Variants in GALNT17 observed in about 807,000 individuals in gnomAD.
GALNT17 encodes polypeptide N-acetylgalactosaminyltransferase 17.
A neutral mutation model predicts 63.7 loss-of-function variants in GALNT17; 29 were observed. That is an observed-to-expected ratio of 0.46 (90% CI 0.34 to 0.62). GALNT17 has a LOEUF of 0.62. GALNT17 is among the 20% of genes least tolerant of loss of function. The pLI is 0.01. For missense variants in GALNT17, 603 were observed against 799.6 expected (o/e 0.75, Z 2.97); for synonymous variants, 305 against 318.3 (o/e 0.96, Z 0.45).
chr7:71,214,813 G>C (rs1789447632), intron 1 of GALNT17, among the ~76,000 whole-genome samples: 1 of 152,050 alleles, frequency 6.6e-6, no homozygotes, highest in South Asian at 2.1e-4. Flanking sequence ...CCTGACCTCA[G>C]GCAATCCACC....
chr7:71,453,471 A>G (rs796089477), intron 5 of GALNT17, among the ~76,000 whole-genome samples: 18 of 152,330 alleles, frequency 1.2e-4, no homozygotes, highest in African/African-American at 4.1e-4. Context: ...ACCAAGCATA[A>G]AAGATTTCCC....
chr7:71,410,248 A>ATT (rs201714940), intron 3 of GALNT17, among the ~76,000 whole-genome samples: 30 of 141,236 alleles, frequency 2.1e-4, no homozygotes, highest in African/African-American at 4.4e-4. Flanking sequence ...TTCTTTCCTG[A>ATT]TTTTTTTTTT....
intron 5 of GALNT17, among the ~76,000 whole-genome samples, chr7:71,487,674 A>C (rs1563129887): frequency 6.6e-6 from 1 of 152,180 alleles, no homozygotes; most frequent in Admixed American, 6.5e-5. Flanking sequence ...GCTACTCAGG[A>C]GGCTGAGACG....
intron 1 of GALNT17, among the ~76,000 whole-genome samples, chr7:71,210,961 T>C (rs1179866306): frequency 6.6e-6 from 1 of 152,232 alleles, no homozygotes; most frequent in African/African-American, 2.4e-5. Context: ...TTTTCTCCCC[T>C]GCTCTGTATT....
At chr7:71,265,251 C>T (rs1790473533) in intron 1 of GALNT17, among the ~76,000 whole-genome samples, 1 of 149,094 alleles carries the variant, frequency 6.7e-6, no homozygotes, top group African/African-American at 2.5e-5. Context: ...CTCAGCCTCC[C>T]AAGTAACTGG....
At chr7:71,201,148 T>C (rs1186481718) in intron 1 of GALNT17, among the ~76,000 whole-genome samples, 2 of 151,390 alleles carry the variant, frequency 1.3e-5, no homozygotes, top group Admixed American at 1.3e-4. Context: ...TTTCAGTAAT[T>C]GGCTTATTAA....
At chr7:71,362,429 A>T (rs1792420508) in intron 2 of GALNT17, among the ~76,000 whole-genome samples, 2 of 152,192 alleles carry the variant, frequency 1.3e-5, no homozygotes, top group African/African-American at 4.8e-5. Flanking sequence ...CTGTGTGCAG[A>T]TCTCCCCAGA....
intron 6 of GALNT17, among the ~76,000 whole-genome samples, chr7:71,633,402 G>A (rs1334554001): frequency 6.6e-6 from 1 of 152,186 alleles, no homozygotes; most frequent in Admixed American, 6.5e-5. Flanking sequence ...TACGCAGTTT[G>A]TCCTGGGGGC....
At chr7:71,707,532 G>T (rs1019981200) in intron 9 of GALNT17, among the ~76,000 whole-genome samples, 5 of 152,164 alleles carry the variant, frequency 3.3e-5, no homozygotes, top group African/African-American at 7.2e-5. Context: ...AAACGTAGTG[G>T]CTTAAAACAA....
At chr7:71,356,417 A>G (rs1472700244) in intron 2 of GALNT17, among the ~76,000 whole-genome samples, 2 of 152,242 alleles carry the variant, frequency 1.3e-5, no homozygotes, top group African/African-American at 2.4e-5. Context: ...ACTGGCTCAC[A>G]GTTCTACAGG....
At chr7:71,224,226 T>C (rs898623730) in intron 1 of GALNT17, among the ~76,000 whole-genome samples, 2 of 152,090 alleles carry the variant, frequency 1.3e-5, no homozygotes, top group African/African-American at 4.8e-5. Context: ...TTTGTATTTT[T>C]AGTAAACGGA....
chr7:71,225,108 A>G (rs1362064197), intron 1 of GALNT17, among the ~76,000 whole-genome samples: 1 of 152,028 alleles, frequency 6.6e-6, no homozygotes, highest in Non-Finnish European at 1.5e-5. Context: ...AGCTGTGACT[A>G]CAGGTGCATG....
At chr7:71,652,227 G>A (rs952259972) in intron 6 of GALNT17, among the ~76,000 whole-genome samples, 6 of 151,930 alleles carry the variant, frequency 3.9e-5, no homozygotes, top group African/African-American at 2.4e-5. Context: ...TGACTGGCAA[G>A]AGGATCCACG....
chr7:71,221,908 A>ATTTTTT (rs370780821), intron 1 of GALNT17, among the ~76,000 whole-genome samples: 2 of 114,698 alleles, frequency 1.7e-5, no homozygotes, highest in African/African-American at 3.1e-5. Flanking sequence ...CCTTATTTAG[A>ATTTTTT]TTTTTTTTTT....
At chr7:71,445,536 C>T (rs564985613) in intron 5 of GALNT17, among the ~76,000 whole-genome samples, 116 of 151,682 alleles carry the variant, frequency 7.6e-4, no homozygotes, top group Admixed American at 3.1e-3. Context: ...AAGGTTCATT[C>T]AGGTTCATCT....
At chr7:71,416,889 G>A (rs2116439588) in intron 4 of GALNT17, among the ~76,000 whole-genome samples, 1 of 152,282 alleles carries the variant, frequency 6.6e-6, no homozygotes, top group Admixed American at 6.5e-5. Context: ...ATTTTTCCAG[G>A]TGAAAAGAAC....
intron 1 of GALNT17, among the ~76,000 whole-genome samples, chr7:71,295,450 TTTTG>T (rs1445908913): frequency 2.6e-5 from 4 of 152,124 alleles, no homozygotes; most frequent in Non-Finnish European, 5.9e-5. Context: ...TTTCTGTGTA[TTTTG>T]TTTCTCTCTG....
At chr7:71,682,155 G>C (rs906898615) in intron 9 of GALNT17, among the ~76,000 whole-genome samples, 1 of 152,064 alleles carries the variant, frequency 6.6e-6, no homozygotes, top group African/African-American at 2.4e-5. Context: ...TCAAACTCCC[G>C]ACCTCAGGTG....
intron 1 of GALNT17, among the ~76,000 whole-genome samples, chr7:71,199,784 A>G (rs1382640251): frequency 1.3e-5 from 2 of 151,250 alleles, no homozygotes; most frequent in Non-Finnish European, 2.9e-5. Context: ...CCACTCATCT[A>G]TCCATATGTA....
Sources: gnomAD v4.1 joint callset for allele counts (sites outside exome capture counted in the v4.1 genomes callset) on GRCh38, gnomAD v4.1.1 for gene constraint, MANE v1.5 for transcripts, NCBI Gene and HGNC (gene_info 2026-07-23, HGNC 2026-07-21) for gene names.